Variants in COCH observed in about 807,000 individuals in gnomAD.
The protein encoded by COCH is coagulation factor C homolog, cochlin (Limulus polyphemus).
COCH carries 40 observed loss-of-function variants against 54.8 expected under a neutral mutation model. The observed-to-expected ratio is 0.73, with a 90% CI of 0.57 to 0.95. The LOEUF (loss-of-function observed/expected upper bound fraction) is 0.95, where lower values mean the gene tolerates loss of function less well. Ranked by LOEUF, COCH falls within the 40% of genes least tolerant of loss-of-function variation. The pLI is 0.00. For synonymous variants in COCH, 256 were observed against 237.9 expected (o/e 1.08, Z -0.70); for missense variants, 605 against 675.0 (o/e 0.90, Z 1.15).
At position 30,875,080 on chromosome 14, in the gene COCH, G is replaced by C. The variant is rs762867370; in HGVS notation, c.59G>C (p.Gly20Ala). 1 of 1,590,916 alleles carries C rather than the reference G, an allele frequency of 6.3e-7. No homozygotes were observed. The highest frequency in any genetic ancestry group is 1.1e-5 in the South Asian group (1 of 88,802). ...GGTGTGTGTCTGCTGCTGCTGCCGG[G>C]GCCCGCGGGCAGCGAGGGAGCCGGT... ...GLGVCLLLLP[G>A]PAGSEGAAPI... Residue 20 changes from glycine to alanine, a missense_variant, in exon 3 of 12, where the codon GGG becomes GCG. Gly to Ala is a moderately conservative substitution (Grantham distance 60). Transcript: ENST00000396618.
chr14:30,886,454 C>A, intron 11 of COCH, 142 bp downstream of exon 11: 1 of 876,104 alleles, frequency 1.1e-6, no homozygotes, highest in Non-Finnish European at 1.7e-6. Flanking sequence ...CAGCCCTACT[C>A]ATCTCATTCT....
intron 3 of COCH, chr14:30,875,495 A>G (rs1895325646): frequency 1.9e-6 from 1 of 514,626 alleles, no homozygotes; most frequent in South Asian, 3.5e-5. Flanking sequence ...GTGGAGGAGA[A>G]GCCGCCCAGA....
At chr14:30,880,882 C>A in intron 8 of COCH, 148 bp downstream of exon 8, 1 of 693,636 alleles carries the variant, frequency 1.4e-6, no homozygotes, top group Non-Finnish European at 2.5e-6. Context: ...ATATCCATCA[C>A]CTCAAACATT....
chr14:30,892,377 G>A (rs763395371), downstream of COCH, among the ~76,000 whole-genome samples: 1 of 152,076 alleles, frequency 6.6e-6, no homozygotes, highest in African/African-American at 2.4e-5. Flanking sequence ...ATAGGTGCTA[G>A]AAACAATTCT....
intron 4 of COCH, among the ~76,000 whole-genome samples, chr14:30,878,192 G>A (rs1895438311): frequency 6.6e-6 from 1 of 152,170 alleles, no homozygotes. Flanking sequence ...AAAAAATTCA[G>A]TCCAAAGGCA....
chr14:30,885,666 T>C, intron 10 of COCH, 46 bp downstream of exon 10: 1 of 1,464,944 alleles, frequency 6.8e-7, no homozygotes, highest in Non-Finnish European at 9.6e-7. Context: ...GGGTATTCCA[T>C]TTTGGACCTC....
chr14:30,884,553 T>C lies in COCH; in HGVS notation c.630T>C (p.Ser210=). Residue 210 remains serine (S), a splice_region_variant and synonymous_variant, in exon 9 of 12, where the codon AGT becomes AGC. Transcript: ENST00000396618. ...ATAACATTTTCTTTCTTCCACTCAG[T>C]GAACATCCCAAAATAGAATTTTACT... ...EGPHVGLVQA[S]EHPKIEFYLK... The C allele has an allele frequency of 6.2e-7, 1 of 1,603,932 alleles. No homozygotes were observed. The highest frequency in any genetic ancestry group is 1.1e-5 in the South Asian group (1 of 90,894).
chr14:30,889,732 C>T lies in COCH; in HGVS notation c.1594C>T (p.Pro532Ser), dbSNP rs1801963. The change falls in exon 12 of 12, where the codon CCA becomes TCA. Residue 532 changes from proline to serine, a missense_variant. Pro to Ser is a moderately conservative substitution (Grantham distance 74). Transcript: ENST00000396618. ...CACAAGAGAGTTCACAGGATTAGAACCAATTGTTTCTGATGTCATCAGAGG... is the reference window on the plus strand; with the variant it reads ...CACAAGAGAGTTCACAGGATTAGAATCAATTGTTTCTGATGTCATCAGAGG... ...FFTREFTGLE[P>S]IVSDVIRGIC... The T allele has an allele frequency of 1.2e-6, 2 of 1,613,718 alleles. No homozygotes were observed. The highest frequency in any genetic ancestry group is 1.7e-6 in the Non-Finnish European group (2 of 1,179,704).
chr14:30,892,869 G>T (rs996417102), downstream of COCH, among the ~76,000 whole-genome samples: 1 of 151,048 alleles, frequency 6.6e-6, no homozygotes, highest in African/African-American at 2.4e-5. Flanking sequence ...GACTAAAATT[G>T]CCACTTAGAT....
In COCH at chr14:30,882,120, G is replaced by GTTTTTTT. The variant is rs61175020; in HGVS notation, c.629+1407_629+1413dup. ...CCCTAGAGATAATCACTATAAAATG[G>GTTTTTTT]TTTTTTTTTTTTTTTTTTTTTTTTT... On this transcript the variant is annotated intron_variant, in intron 8 of 11. Transcript: ENST00000396618. Among the ~76,000 whole-genome samples, 274 of 67,894 alleles carry GTTTTTTT rather than the reference G, an allele frequency of 4.0e-3. 47 individuals are homozygous for GTTTTTTT. The highest frequency in any genetic ancestry group is 8.4e-3 in the African/African-American group (128 of 15,204). The allele number at this position is 67,894 out of a possible 152,430, so 44.5% of individuals were successfully genotyped here.
downstream of COCH, chr14:30,895,506 T>C: frequency 6.2e-7 from 1 of 1,614,158 alleles, no homozygotes; most frequent in Admixed American, 1.7e-5. Flanking sequence ...TCATCCAATT[T>C]CTTTCTGTGA....
Position 30,889,786 on chromosome 14 carries a change from C to A in COCH, c.1648C>A (p.Gln550Lys), listed in dbSNP as rs747736722. The A allele has an allele frequency of 1.9e-5, 31 of 1,608,734 alleles. No homozygotes were observed. Among genetic ancestry groups the A allele is most frequent in the Non-Finnish European group, 2.5e-5 (29 of 1,175,736 alleles). The stretch of plus-strand genomic sequence containing the variant: ...TTGTAGAGATTTCTTAGAATCCCAG[C>A]AATAATGGTAACATTTTGACAACTG... ...GICRDFLESQ[Q>K] The change falls in exon 12 of 12, where the codon CAA becomes AAA. Residue 550 changes from glutamine (Q) to lysine (K), a missense_variant. Coordinates refer to ENST00000396618, the MANE Select transcript of COCH (RefSeq NM_004086.3).
chr14:30,883,254 C>T (rs1040367351), intron 8 of COCH, among the ~76,000 whole-genome samples: 1 of 152,104 alleles, frequency 6.6e-6, no homozygotes, highest in Admixed American at 6.5e-5. Flanking sequence ...AGTTTTATTG[C>T]ACATTTTAAC....
intron 11 of COCH, chr14:30,889,384 C>T (rs1895904038): frequency 3.8e-6 from 2 of 520,504 alleles, no homozygotes; most frequent in South Asian, 2.1e-5. Context: ...GATGACTTAC[C>T]TGTTAATGTG....
chr14:30,889,640 T>C lies in COCH; in HGVS notation c.1502T>C (p.Val501Ala), dbSNP rs1460188430. The change falls in exon 12 of 12, where the codon GTG becomes GCG. Residue 501 changes from valine to alanine, a missense_variant. Transcript: ENST00000396618. ...GGAATCACTATCTTCTCTGTTGGTGTGGCTTGGGCACCTCTGGATGACCTG... is the reference window on the plus strand; with the variant it reads ...GGAATCACTATCTTCTCTGTTGGTGCGGCTTGGGCACCTCTGGATGACCTG... ...DAGITIFSVG[V>A]AWAPLDDLKD... 2 of 1,614,092 alleles carry C rather than the reference T, an allele frequency of 1.2e-6. No individual in the cohort carries two copies. The highest frequency in any genetic ancestry group is 1.7e-5 in the Admixed American group (1 of 60,026).
chr14:30,888,256 T>A (rs1330615181), intron 11 of COCH, among the ~76,000 whole-genome samples: 1 of 151,752 alleles, frequency 6.6e-6, no homozygotes, highest in African/African-American at 2.4e-5. Flanking sequence ...TTTTTTTTTT[T>A]AACCAGGGAG....
Position 30,890,397 on chromosome 14 carries a change from G to T in COCH, c.*606G>T, listed in dbSNP as rs1250445041. ...ACTAAAAATATCACACTGAATAAGA[G>T]AGCAGGATTGCCAGGTATTTTTCTA... On this transcript the variant is annotated 3_prime_UTR_variant, in exon 12 of 12. Transcript: ENST00000396618. 2 of 984,402 alleles carry T rather than the reference G, an allele frequency of 2.0e-6. No homozygotes were observed. Among genetic ancestry groups the T allele is most frequent in the Non-Finnish European group, 2.4e-6 (2 of 829,042 alleles). The allele number at this position is 984,402 out of a possible 1,614,324, so 61.0% of individuals were successfully genotyped here.
At chr14:30,884,945 A>G in intron 9 of COCH, 2 of 1,597,774 alleles carry the variant, frequency 1.3e-6, no homozygotes, top group Non-Finnish European at 1.7e-6. Flanking sequence ...TGTAATGCTA[A>G]AAAGAAGTGA....
intron 8 of COCH, among the ~76,000 whole-genome samples, chr14:30,883,999 C>T (rs1895697699): frequency 6.6e-6 from 1 of 152,194 alleles, no homozygotes; most frequent in South Asian, 2.1e-4. Context: ...AATAGATCCA[C>T]ACTACTTAGA....
Sources: gnomAD v4.1 joint callset for allele counts (sites outside exome capture counted in the v4.1 genomes callset) on GRCh38, gnomAD v4.1.1 for gene constraint, MANE v1.5 for transcripts, NCBI Gene and HGNC (gene_info 2026-07-23, HGNC 2026-07-21) for gene names.